RTN1: variants seen among roughly 807,000 people sequenced by gnomAD.
RTN1 encodes reticulon 1.
Under a neutral mutation model 65.5 loss-of-function variants are expected in RTN1, and 25 were observed. That is an observed-to-expected ratio of 0.38 (90% CI 0.28 to 0.53). The LOEUF is 0.53. Among genes scored for constraint, RTN1 ranks in the 20% least tolerant of loss-of-function variants. The probability of loss-of-function intolerance (pLI) is 0.79; values close to 1 mark genes in which losing one functional copy is unlikely to be tolerated. For synonymous variants in RTN1, 471 were observed against 447.6 expected, an observed-to-expected ratio of 1.05 and a Z score of -0.66; for missense variants, 983 against 1,025.4, an observed-to-expected ratio of 0.96 and a Z score of 0.57.
At chr14:59,726,781 C>T (rs987680029) in intron 3 of RTN1, 138 bp downstream of exon 3, 1 of 748,260 alleles carries the variant, frequency 1.3e-6, no homozygotes, top group South Asian at 1.9e-5. Context: ...CCTCCCATCC[C>T]CCCTGGAACC....
At chr14:59,743,409 G>A (rs1291350046) in intron 2 of RTN1, among the ~76,000 whole-genome samples, 1 of 152,124 alleles carries the variant, frequency 6.6e-6, no homozygotes, top group Non-Finnish European at 1.5e-5. Context: ...TGGACAACCC[G>A]GGAGCTCTGT....
At chr14:59,800,521 T>G (rs1275671892) in intron 1 of RTN1, among the ~76,000 whole-genome samples, 1 of 151,990 alleles carries the variant, frequency 6.6e-6, no homozygotes, top group South Asian at 2.1e-4. Flanking sequence ...CTGCCTCAGC[T>G]TCCTGAGTAG....
intron 1 of RTN1, among the ~76,000 whole-genome samples, chr14:59,824,738 A>G (rs931001670): frequency 1.3e-5 from 2 of 152,230 alleles, no homozygotes; most frequent in Admixed American, 1.3e-4. Context: ...GTTGACAACT[A>G]GTTTAAAAAG....
chr14:59,708,060 T>C (rs189826391), intron 3 of RTN1, among the ~76,000 whole-genome samples: 1 of 152,356 alleles, frequency 6.6e-6, no homozygotes, highest in African/African-American at 2.4e-5. Context: ...AGCCAGTCTA[T>C]TTAAAAACAT....
intron 3 of RTN1, among the ~76,000 whole-genome samples, chr14:59,714,311 C>G (rs957004414): frequency 1.3e-5 from 2 of 151,662 alleles, no homozygotes; most frequent in Non-Finnish European, 2.9e-5. Flanking sequence ...TATAGATCTT[C>G]TTTCTCAATT....
intron 3 of RTN1, among the ~76,000 whole-genome samples, chr14:59,665,316 C>T (rs1016713659): frequency 6.6e-6 from 1 of 152,098 alleles, no homozygotes; most frequent in African/African-American, 2.4e-5. Flanking sequence ...AATTTTCAAC[C>T]CAGAATTTCA....
At chr14:59,667,671 T>C (rs1883409683) in intron 3 of RTN1, among the ~76,000 whole-genome samples, 1 of 152,160 alleles carries the variant, frequency 6.6e-6, no homozygotes, top group Admixed American at 6.5e-5. Context: ...AGTCGAATTG[T>C]CCCTGTTTGC....
At chr14:59,709,798 G>A (rs1283327377) in intron 3 of RTN1, among the ~76,000 whole-genome samples, 2 of 152,118 alleles carry the variant, frequency 1.3e-5, no homozygotes, top group Admixed American at 6.5e-5. Flanking sequence ...TTATGTAAGA[G>A]GGATTTGTCT....
At chr14:59,860,233 C>T (rs1016856066) in intron 1 of RTN1, among the ~76,000 whole-genome samples, 5 of 152,176 alleles carry the variant, frequency 3.3e-5, no homozygotes, top group Non-Finnish European at 5.9e-5. Context: ...GGACTTGGTG[C>T]CCTGCTTCTC....
In RTN1 at chr14:59,791,133, G is replaced by A. The variant is rs74441364; in HGVS notation, c.242-44652C>T. Among the ~76,000 whole-genome samples the A allele has an allele frequency of 4.3e-3, 652 of 151,950 alleles. 19 individuals carry two copies. In the East Asian group the frequency reaches 0.056, roughly 13 times the overall value. On this transcript the variant is annotated intron_variant, in intron 1 of 8. Transcript: ENST00000267484. ...TAAGATATTTCCATTTCCATAGCTC[G>A]TTTTCTTCCAAAATAAATTCATCTC...
At chr14:59,658,723 C>T (rs537696273) in intron 3 of RTN1, among the ~76,000 whole-genome samples, 43 of 152,230 alleles carry the variant, frequency 2.8e-4, no homozygotes, top group African/African-American at 7.7e-4. Context: ...AAACTCCATC[C>T]GATGGTCACC....
At position 59,868,389 on chromosome 14, in the gene RTN1, T is replaced by C. The variant is rs1887834052; in HGVS notation, c.241+2001A>G. Among the ~76,000 whole-genome samples the C allele has an allele frequency of 6.6e-6, 1 of 152,206 alleles. No homozygotes were observed. The highest frequency in any genetic ancestry group is 1.5e-5 in the Non-Finnish European group (1 of 68,034). ...AGTATCATGTTTGATTTTATTACTA[T>C]ATTTGTTGCCTAGGATAGAAAACCC... On this transcript the variant is annotated intron_variant, in intron 1 of 8. Coordinates refer to ENST00000267484, the MANE Select transcript of RTN1 (RefSeq NM_021136.3). This position sits in a 1 kb window ranked among gnomAD's most constrained non-coding sequence, Gnocchi z 4.0.
intron 1 of RTN1, among the ~76,000 whole-genome samples, chr14:59,754,123 C>T (rs867335352): frequency 6.6e-6 from 1 of 152,130 alleles, no homozygotes; most frequent in Non-Finnish European, 1.5e-5. Flanking sequence ...GAAGGATTCA[C>T]AGGCCACTAT....
intron 1 of RTN1, among the ~76,000 whole-genome samples, chr14:59,780,654 T>A (rs889445807): frequency 3.9e-5 from 6 of 152,224 alleles, no homozygotes; most frequent in African/African-American, 1.4e-4. Flanking sequence ...TTTCTTTTTT[T>A]TCCAATATAA....
rs1594748155 is a variant in RTN1, at chr14:59,799,590, A to C, written c.242-53109T>G. Among the ~76,000 whole-genome samples, 3 of 152,352 alleles carry C rather than the reference A, an allele frequency of 2.0e-5. No homozygotes were observed. The East Asian group carries it at 5.8e-4, about 29-fold the overall frequency. On this transcript the variant is annotated intron_variant, in intron 1 of 8. Coordinates refer to ENST00000267484, the MANE Select transcript of RTN1 (RefSeq NM_021136.3). ...AATGTGGGCTAATGCATAATTTTAG[A>C]ATAACTGGGTACCCCAGACACATGG...
At position 59,842,063 on chromosome 14, in the gene RTN1, T is replaced by C. The variant is rs541738310; in HGVS notation, c.241+28327A>G. On this transcript the variant is annotated intron_variant, in intron 1 of 8. Transcript: ENST00000267484. Reference sequence around the variant, plus strand: ...ATCGCTTGAACCCGGGAGGTGGAGGTTGCAGTGAGCCGAGATCAGGCCACT... The same window carrying C: ...ATCGCTTGAACCCGGGAGGTGGAGGCTGCAGTGAGCCGAGATCAGGCCACT... Among the ~76,000 whole-genome samples the C allele has an allele frequency of 5.3e-5, 8 of 149,606 alleles. No individual in the cohort carries two copies. The East Asian group carries it at 1.6e-3, about 30-fold the overall frequency.
In RTN1 at chr14:59,718,271, C is replaced by T. The variant is rs184063980; in HGVS notation, c.1765+8648G>A. Among the ~76,000 whole-genome samples the T allele has an allele frequency of 2.6e-3, 402 of 152,260 alleles. 3 individuals are homozygous for T. The highest frequency in any genetic ancestry group is 9.0e-3 in the African/African-American group (375 of 41,558). ...GTAAATCACCAATAGAGACCATGGC[C>T]GACTGCAGTCTTGAGCTGAAGTAAC... On this transcript the variant is annotated intron_variant, in intron 3 of 8. Coordinates refer to ENST00000267484, the MANE Select transcript of RTN1 (RefSeq NM_021136.3).
At chr14:59,683,024 G>A (rs1883776085) in intron 3 of RTN1, among the ~76,000 whole-genome samples, 1 of 152,078 alleles carries the variant, frequency 6.6e-6, no homozygotes, top group South Asian at 2.1e-4. Context: ...AAGATATTTG[G>A]TGACATTCAC....
intron 2 of RTN1, among the ~76,000 whole-genome samples, chr14:59,736,586 C>G (rs1266784781): frequency 6.6e-6 from 1 of 152,152 alleles, no homozygotes; most frequent in Non-Finnish European, 1.5e-5. Flanking sequence ...CAGCTGAATT[C>G]TACCAGAGGT....
Sources: gnomAD v4.1 joint callset for allele counts (sites outside exome capture counted in the v4.1 genomes callset) on GRCh38, gnomAD v4.1.1 for gene constraint, Gnocchi (gnomAD v3.1) non-coding constraint, MANE v1.5 for transcripts, NCBI Gene and HGNC (gene_info 2026-07-23, HGNC 2026-07-21) for gene names.